Variants in DOCK3 observed in about 807,000 individuals in gnomAD.
DOCK3 encodes the protein dedicator of cytokinesis protein 3.
Under a neutral mutation model 265.6 loss-of-function variants are expected in DOCK3, and 60 were observed. The ratio of observed to expected loss-of-function variants is 0.23; its 90% confidence interval spans 0.18 to 0.28. The LOEUF (loss-of-function observed/expected upper bound fraction) is 0.28, where lower values mean the gene tolerates loss of function less well. Ranked by LOEUF, DOCK3 falls within the 10% of genes least tolerant of loss-of-function variation. The pLI is 1.00. For synonymous variants in DOCK3, 881 were observed against 938.0 expected (o/e 0.94, Z 1.11); for missense variants, 1,981 against 2,594.3 (o/e 0.76, Z 5.14).
chr3:50,812,750 T>C (rs2043837782), intron 2 of DOCK3, among the ~76,000 whole-genome samples: 1 of 152,198 alleles, frequency 6.6e-6, no homozygotes, highest in South Asian at 2.1e-4. Context: ...GTTAATCTCA[T>C]CCAGAAACAC....
chr3:50,764,541 G>A (rs1413667958), intron 1 of DOCK3, among the ~76,000 whole-genome samples: 1 of 152,190 alleles, frequency 6.6e-6, no homozygotes, highest in East Asian at 1.9e-4. Flanking sequence ...AAACCATCCT[G>A]TATGAACACT....
Position 51,302,427 on chromosome 3 carries a change from A to T in DOCK3, c.2923-7805A>T, listed in dbSNP as rs573304501. 2.0e-5 allele frequency among the ~76,000 whole-genome samples: 3 copies of T among 152,130 alleles called. No homozygotes were observed. In the East Asian group the frequency reaches 5.8e-4, roughly 29 times the overall value. On this transcript the variant is annotated intron_variant, in intron 27 of 52. Transcript: ENST00000266037. ...TAATTAGGGCATTTAGCCTATTTAC[A>T]TTTATGGTTAATATTGTTATGTGTG... is the stretch of plus-strand genomic sequence containing the variant.
At chr3:50,907,719 T>A (rs1392215017) in intron 4 of DOCK3, among the ~76,000 whole-genome samples, 2 of 152,124 alleles carry the variant, frequency 1.3e-5, no homozygotes, top group African/African-American at 4.8e-5. Context: ...TGCCAGTCTG[T>A]GCCTTTTAAT....
chr3:50,734,472 A>T (rs1258228756), intron 1 of DOCK3, among the ~76,000 whole-genome samples: 2 of 152,222 alleles, frequency 1.3e-5, no homozygotes, highest in African/African-American at 4.8e-5. Context: ...ATTGCACTCC[A>T]GCCTGGGCAA....
chr3:51,373,147 T>A (rs1261893292), intron 49 of DOCK3, among the ~76,000 whole-genome samples: 1 of 152,214 alleles, frequency 6.6e-6, no homozygotes, highest in Admixed American at 6.5e-5. Context: ...ACAAGAGGAA[T>A]TTCTCAAGGA....
At chr3:51,216,233 A>G (rs1212745824) in intron 14 of DOCK3, among the ~76,000 whole-genome samples, 1 of 152,214 alleles carries the variant, frequency 6.6e-6, no homozygotes, top group Admixed American at 6.5e-5. Flanking sequence ...TCAAAAATGT[A>G]TTTAAGCAAA....
intron 5 of DOCK3, among the ~76,000 whole-genome samples, chr3:51,057,416 A>T (rs1343533369): frequency 6.6e-6 from 1 of 152,214 alleles, no homozygotes; most frequent in East Asian, 1.9e-4. Context: ...CTTCTGCCCA[A>T]TCTCCTCCTC....
rs189994150 is a variant in DOCK3, at chr3:51,064,456, A to C, written c.324A>C (p.Lys108Asn). The change falls in exon 6 of 53, where the codon AAA (lysine) becomes AAC (asparagine). Residue 108 changes from lysine (K) to asparagine (N), a missense_variant. Coordinates refer to ENST00000266037, the MANE Select transcript of DOCK3 (RefSeq NM_004947.5). ...CAAAAATGCCCTTTCAGAAACACAAAGTAGATCTTTTCTACAAACTACGCC... is the reference window on the plus strand; with the variant it reads ...CAAAAATGCCCTTTCAGAAACACAACGTAGATCTTTTCTACAAACTACGCC... Reference protein sequence around the residue: ...SLWKQLYVKHKVDLFYKLRHV... With the variant: ...SLWKQLYVKHNVDLFYKLRHV... 243 of 1,613,930 alleles carry C rather than the reference A, an allele frequency of 1.5e-4. No homozygotes were observed. The African/African-American group carries it at 2.7e-3, about 18-fold the overall frequency.
chr3:51,370,193 G>A (rs908535809), intron 49 of DOCK3, among the ~76,000 whole-genome samples: 4 of 152,210 alleles, frequency 2.6e-5, no homozygotes, highest in Non-Finnish European at 5.9e-5. Context: ...AGTCAAGGTT[G>A]GCATTTATAG....
intron 4 of DOCK3, among the ~76,000 whole-genome samples, chr3:50,922,976 C>G (rs1211556385): frequency 6.6e-6 from 1 of 152,130 alleles, no homozygotes; most frequent in African/African-American, 2.4e-5. Flanking sequence ...GCCTTTTCAT[C>G]CTCATAGCTT....
chr3:51,077,593 G>A (rs1366771152), intron 7 of DOCK3, among the ~76,000 whole-genome samples: 3 of 152,138 alleles, frequency 2.0e-5, no homozygotes, highest in African/African-American at 7.2e-5. Context: ...AGATTAAATT[G>A]CCATGTGTGT....
chr3:50,807,249 C>CTTTTTTT (rs59370167), intron 2 of DOCK3, among the ~76,000 whole-genome samples: 2 of 144,422 alleles, frequency 1.4e-5, no homozygotes, highest in Non-Finnish European at 3.0e-5. Context: ...CTGCCACGCT[C>CTTTTTTT]TTTTTTTTTT....
chr3:51,217,916 A>C (rs1183496697), intron 14 of DOCK3, among the ~76,000 whole-genome samples: 26 of 152,024 alleles, frequency 1.7e-4, no homozygotes, highest in African/African-American at 5.1e-4. Context: ...TCAGGAATTC[A>C]AGACCAACCT....
intron 26 of DOCK3, 132 bp downstream of exon 26, chr3:51,277,886 C>A: frequency 6.6e-7 from 1 of 1,510,838 alleles, no homozygotes. Flanking sequence ...CAGCATGCTG[C>A]CCTCTTCCCT....
At chr3:50,930,646 C>T (rs900925509) in intron 4 of DOCK3, among the ~76,000 whole-genome samples, 28 of 152,222 alleles carry the variant, frequency 1.8e-4, no homozygotes, top group African/African-American at 6.0e-4. Context: ...CAGAGCTCCC[C>T]CTCACCTGGC....
At chr3:51,336,462 C>T (rs1163777611) in intron 35 of DOCK3, among the ~76,000 whole-genome samples, 1 of 152,012 alleles carries the variant, frequency 6.6e-6, no homozygotes, top group Admixed American at 6.6e-5. Flanking sequence ...CTTTCCCAGG[C>T]CTCTCAGGTT....
At chr3:51,210,054 A>G (rs1275390678) in intron 13 of DOCK3, among the ~76,000 whole-genome samples, 2 of 152,200 alleles carry the variant, frequency 1.3e-5, no homozygotes, top group African/African-American at 2.4e-5. Context: ...AATATTTGTC[A>G]TGTTCTTTGG....
At chr3:51,093,165 C>CT (rs2082704771) in intron 9 of DOCK3, among the ~76,000 whole-genome samples, 1 of 152,114 alleles carries the variant, frequency 6.6e-6, no homozygotes, top group African/African-American at 2.4e-5. Context: ...TATGCAGGCT[C>CT]TTTTTTGGTT....
intron 5 of DOCK3, among the ~76,000 whole-genome samples, chr3:51,049,826 C>CAG (rs1305147687): frequency 1.9e-5 from 2 of 103,942 alleles, no homozygotes; most frequent in Non-Finnish European, 4.0e-5. Context: ...CACACACACA[C>CAG]ACCCCAAAAA....
Sources: allele counts gnomAD v4.1 joint callset (sites outside exome capture counted in the v4.1 genomes callset), GRCh38; gene constraint gnomAD v4.1.1; transcripts MANE v1.5; gene names NCBI Gene and HGNC (gene_info 2026-07-23, HGNC 2026-07-21).